LUC7L2: variants seen among roughly 807,000 people sequenced by gnomAD.
LUC7L2 encodes the protein LUC7 like 2, pre-mRNA splicing factor.
A neutral mutation model predicts 52.8 loss-of-function variants in LUC7L2; 25 were observed. The ratio of observed to expected loss-of-function variants is 0.47; its 90% CI spans 0.34 to 0.66. LUC7L2 has a LOEUF of 0.66. Among genes scored for constraint, LUC7L2 ranks in the 30% least tolerant of loss-of-function variants. The pLI is 0.01. For synonymous variants in LUC7L2, 144 were observed against 160.9 expected (o/e 0.89, Z 0.80); for missense variants, 328 against 497.8 (o/e 0.66, Z 3.25).
At chr7:139,398,791 A>C in intron 3 of LUC7L2, 94 bp downstream of exon 3, 1 of 1,165,450 alleles carries the variant, frequency 8.6e-7, no homozygotes, top group Non-Finnish European at 1.2e-6. Context: ...AACTCTTAGC[A>C]GTTTATCCTC....
intron 1 of LUC7L2, among the ~76,000 whole-genome samples, chr7:139,362,483 G>GGAACT (rs1307335360): frequency 6.6e-6 from 1 of 152,060 alleles, no homozygotes; most frequent in African/African-American, 2.4e-5. Context: ...CCATTTAATG[G>GGAACT]GAACCCTTGT....
At chr7:139,358,787 C>A (rs1469156796), upstream of LUC7L2, among the ~76,000 whole-genome samples, 1 of 152,020 alleles carries the variant, frequency 6.6e-6, no homozygotes, top group Non-Finnish European at 1.5e-5. Context: ...CGGGTTCAAA[C>A]GATTCTCCTG....
intron 1 of LUC7L2, chr7:139,374,410 A>G (rs1298745986): frequency 2.1e-5 from 32 of 1,550,796 alleles, no homozygotes; most frequent in Non-Finnish European, 2.7e-5. Flanking sequence ...GGTTCAATGT[A>G]TCTATGCCTG....
rs908181554 is a variant in LUC7L2, at chr7:139,423,124, A to T, written c.*784A>T. On this transcript the variant is annotated 3_prime_UTR_variant, in exon 10 of 10. Coordinates refer to ENST00000354926, the MANE Select transcript of LUC7L2 (RefSeq NM_016019.5). ...GGCTACACCCTTATTGTAAAAAAAT[A>T]ATAATAATAAAATGAAAGAAACAAT... 1 of 398,262 alleles carries T rather than the reference A, an allele frequency of 2.5e-6. No individual in the cohort carries two copies. The highest frequency in any genetic ancestry group is 4.4e-6 in the Non-Finnish European group (1 of 225,714). 24.7% of individuals were successfully genotyped at this position (398,262 alleles called of 1,614,324 possible). A position where few individuals can be genotyped will look rare whatever the true frequency, so the allele number is the denominator to read the frequency against.
chr7:139,364,144 C>G (rs952164542), intron 1 of LUC7L2, among the ~76,000 whole-genome samples: 2 of 151,884 alleles, frequency 1.3e-5, no homozygotes, highest in Non-Finnish European at 2.9e-5. Flanking sequence ...GCCACTACGT[C>G]TGGCTAATTT....
chr7:139,398,345 A>T (rs1020244133), intron 2 of LUC7L2, among the ~76,000 whole-genome samples: 23 of 152,288 alleles, frequency 1.5e-4, no homozygotes, highest in African/African-American at 4.3e-4. Flanking sequence ...TCAGATTCTG[A>T]AAAGCTTTTC....
chr7:139,410,833 G>A (rs1028103319), intron 7 of LUC7L2, among the ~76,000 whole-genome samples: 1 of 152,072 alleles, frequency 6.6e-6, no homozygotes, highest in East Asian at 1.9e-4. Context: ...AACAGACTTC[G>A]TTTGTGTCAC....
intron 1 of LUC7L2, among the ~76,000 whole-genome samples, chr7:139,348,593 C>T (rs986158290): frequency 6.6e-6 from 1 of 151,576 alleles, no homozygotes; most frequent in Admixed American, 6.6e-5. Context: ...GTGGTGTGTG[C>T]CTGTAGTCCC....
At chr7:139,345,470 G>A (rs1289528812) in intron 1 of LUC7L2, 3 of 1,613,340 alleles carry the variant, frequency 1.9e-6, no homozygotes, top group East Asian at 4.5e-5. Flanking sequence ...CTCTAGCTGG[G>A]TTAAGAATTT....
At chr7:139,411,354 G>C (rs1795352381) in intron 7 of LUC7L2, among the ~76,000 whole-genome samples, 1 of 152,070 alleles carries the variant, frequency 6.6e-6, no homozygotes, top group Non-Finnish European at 1.5e-5. Flanking sequence ...TGGGATAAAA[G>C]AAAAAAATCA....
At chr7:139,369,042 G>T (rs73154146) in intron 1 of LUC7L2, among the ~76,000 whole-genome samples, 2,467 of 151,712 alleles carry the variant, frequency 0.016, 27 homozygotes, top group South Asian at 0.052. Flanking sequence ...GCTCTAGTTG[G>T]CTTCTGTAGC....
chr7:139,397,403 GTTAT>G (rs954641609), intron 2 of LUC7L2, among the ~76,000 whole-genome samples: 2 of 152,120 alleles, frequency 1.3e-5, no homozygotes, highest in South Asian at 2.1e-4. Context: ...CATGATTCTT[GTTAT>G]TTGTTTCCCC....
At chr7:139,374,829 G>A in intron 1 of LUC7L2, 1 of 1,043,470 alleles carries the variant, frequency 9.6e-7, no homozygotes, top group Non-Finnish European at 1.2e-6. Flanking sequence ...AAGCTCTTTA[G>A]TATATGACCA....
chr7:139,377,394 T>C (rs770363979), intron 2 of LUC7L2, among the ~76,000 whole-genome samples: 2 of 151,212 alleles, frequency 1.3e-5, no homozygotes, highest in Non-Finnish European at 2.9e-5. Flanking sequence ...TATTTTTATT[T>C]ATTTATTTAT....
chr7:139,418,628 A>G (rs1795736320), intron 9 of LUC7L2, among the ~76,000 whole-genome samples: 1 of 152,144 alleles, frequency 6.6e-6, no homozygotes, highest in Non-Finnish European at 1.5e-5. Context: ...TCAACTTTCC[A>G]TTCCCTGAAA....
At chr7:139,370,934 A>G (rs534728891) in intron 1 of LUC7L2, among the ~76,000 whole-genome samples, 1 of 152,344 alleles carries the variant, frequency 6.6e-6, no homozygotes, top group East Asian at 1.9e-4. Context: ...TCAAGGGGTC[A>G]GGAAAACAAG....
At chr7:139,359,725 G>C (rs984348329), upstream of LUC7L2, 4 of 399,446 alleles carry the variant, frequency 1.0e-5, no homozygotes, top group South Asian at 1.2e-4. Flanking sequence ...AGTCAGTTAA[G>C]GAACCAGAGT....
chr7:139,382,543 G>A (rs1282979505), intron 2 of LUC7L2, among the ~76,000 whole-genome samples: 1 of 151,954 alleles, frequency 6.6e-6, no homozygotes, highest in Admixed American at 6.6e-5. Context: ...GCCACAGCCG[G>A]CTTATTTTTG....
upstream of LUC7L2, among the ~76,000 whole-genome samples, chr7:139,355,563 CATT>C (rs1799583666): frequency 6.6e-6 from 1 of 152,134 alleles, no homozygotes; most frequent in Admixed American, 6.6e-5. Flanking sequence ...TATAAAATGA[CATT>C]ATAGGTTTGA....
Sources: allele counts gnomAD v4.1 joint callset (sites outside exome capture counted in the v4.1 genomes callset), GRCh38; gene constraint gnomAD v4.1.1; transcripts MANE v1.5; gene names NCBI Gene and HGNC (gene_info 2026-07-23, HGNC 2026-07-21).